Variants in RSRC1 observed in about 807,000 individuals in gnomAD.
The protein encoded by RSRC1 is serine/Arginine-related protein 53.
Under a neutral mutation model 49.1 loss-of-function variants are expected in RSRC1, and 39 were observed. The observed-to-expected ratio is 0.79, with a 90% CI of 0.61 to 1.04. RSRC1 has a LOEUF of 1.04. RSRC1 is among the 50% of genes least tolerant of loss of function. RSRC1 has a pLI of 0.00. For missense variants in RSRC1, 388 were observed against 402.4 expected (o/e 0.96, Z 0.31); for synonymous variants, 143 against 130.8 (o/e 1.09, Z -0.63).
chr3:158,288,562 G>T (rs1726715014), intron 4 of RSRC1, among the ~76,000 whole-genome samples: 1 of 152,074 alleles, frequency 6.6e-6, no homozygotes, highest in Non-Finnish European at 1.5e-5. Flanking sequence ...TTCCCTGCCT[G>T]GATTGGACAG....
At chr3:158,468,267 C>T (rs1199990106) in intron 7 of RSRC1, among the ~76,000 whole-genome samples, 1 of 152,136 alleles carries the variant, frequency 6.6e-6, no homozygotes, top group African/African-American at 2.4e-5. Flanking sequence ...ATTTCATGAT[C>T]TTTTTCAAGC....
chr3:158,438,482 T>C (rs1454315872), intron 6 of RSRC1, among the ~76,000 whole-genome samples: 1 of 151,952 alleles, frequency 6.6e-6, no homozygotes, highest in Admixed American at 6.6e-5. Flanking sequence ...TATAGACCAA[T>C]AGAACAGAAC....
At chr3:158,430,873 C>T (rs1355310509) in intron 6 of RSRC1, among the ~76,000 whole-genome samples, 2 of 151,770 alleles carry the variant, frequency 1.3e-5, no homozygotes, top group Non-Finnish European at 2.9e-5. Flanking sequence ...GAATTGTTAA[C>T]CTGAAAAGGT....
At chr3:158,492,238 G>T (rs945308340) in intron 7 of RSRC1, among the ~76,000 whole-genome samples, 34 of 152,252 alleles carry the variant, frequency 2.2e-4, no homozygotes, top group African/African-American at 7.7e-4. Flanking sequence ...CTCCCACCAG[G>T]TCCCTCCCTT....
chr3:158,121,297 G>C (rs1715243075), intron 1 of RSRC1, among the ~76,000 whole-genome samples: 1 of 151,892 alleles, frequency 6.6e-6, no homozygotes, highest in East Asian at 1.9e-4. Context: ...TCTTAATGTG[G>C]ATATAAATAT....
At chr3:158,404,624 GA>G (rs998707318) in intron 6 of RSRC1, among the ~76,000 whole-genome samples, 1 of 151,736 alleles carries the variant, frequency 6.6e-6, no homozygotes, top group African/African-American at 2.4e-5. Flanking sequence ...GCTTACCTGG[GA>G]AAAATTTAAA....
intron 4 of RSRC1, among the ~76,000 whole-genome samples, chr3:158,239,334 A>G (rs1723430802): frequency 6.6e-6 from 1 of 152,224 alleles, no homozygotes; most frequent in African/African-American, 2.4e-5. Context: ...TAGAAATGCC[A>G]TTTGACACCG....
intron 6 of RSRC1, among the ~76,000 whole-genome samples, chr3:158,397,185 G>A (rs928096429): frequency 2.2e-4 from 33 of 152,224 alleles, no homozygotes; most frequent in Admixed American, 2.0e-3. Flanking sequence ...GAAGCATCTG[G>A]CAAAGTTGCA....
At chr3:158,163,659 A>C (rs983884401) in intron 3 of RSRC1, among the ~76,000 whole-genome samples, 3 of 151,922 alleles carry the variant, frequency 2.0e-5, no homozygotes, top group Non-Finnish European at 4.4e-5. Flanking sequence ...GGACATTTAC[A>C]CTCTGAGTGT....
At chr3:158,340,586 G>C (rs1047389923) in intron 5 of RSRC1, among the ~76,000 whole-genome samples, 6 of 152,074 alleles carry the variant, frequency 3.9e-5, no homozygotes, top group Admixed American at 2.0e-4. Context: ...AGTGCCTTTT[G>C]CCTCCCACCA....
intron 7 of RSRC1, among the ~76,000 whole-genome samples, chr3:158,514,445 C>T (rs1578564796): frequency 1.3e-5 from 2 of 152,316 alleles, no homozygotes; most frequent in East Asian, 3.9e-4. Context: ...GATTCCTAAT[C>T]CTGAGTTCTA....
chr3:158,184,319 C>T (rs1469950072), intron 3 of RSRC1, among the ~76,000 whole-genome samples: 1 of 151,282 alleles, frequency 6.6e-6, no homozygotes, highest in East Asian at 1.9e-4. Context: ...ATTTTTAAAG[C>T]ACTCACACCA....
At chr3:158,324,112 G>A (rs1379837633) in intron 5 of RSRC1, among the ~76,000 whole-genome samples, 1 of 152,042 alleles carries the variant, frequency 6.6e-6, no homozygotes. Context: ...TTATACTTCA[G>A]TATATCAATA....
Position 158,391,338 on chromosome 3 carries a change from A to G in RSRC1, c.583+36430A>G, listed in dbSNP as rs1733277792. Among the ~76,000 whole-genome samples the G allele has an allele frequency of 2.0e-5, 3 of 152,134 alleles. No homozygotes were observed. In the South Asian group the frequency reaches 6.2e-4, roughly 31 times the overall value. Reference sequence around the variant, plus strand: ...ATAGTAGAGCCACATTTCTTACCACAATCTGGCCTTGTGTATTTTCTCATC... The same window carrying G: ...ATAGTAGAGCCACATTTCTTACCACGATCTGGCCTTGTGTATTTTCTCATC... On this transcript the variant is annotated intron_variant, in intron 6 of 9. Coordinates refer to ENST00000611884, the MANE Select transcript of RSRC1 (RefSeq NM_001271838.2).
intron 7 of RSRC1, among the ~76,000 whole-genome samples, chr3:158,462,616 C>G (rs1320106126): frequency 4.0e-5 from 6 of 151,876 alleles, no homozygotes; most frequent in Non-Finnish European, 7.4e-5. Context: ...GAATGCTTAT[C>G]TTAGCAAAAG....
At chr3:158,120,603 G>A (rs897738990) in intron 1 of RSRC1, among the ~76,000 whole-genome samples, 1 of 144,818 alleles carries the variant, frequency 6.9e-6, no homozygotes, top group Non-Finnish European at 1.5e-5. Context: ...GTATTATATA[G>A]TTAATATTTA....
intron 6 of RSRC1, among the ~76,000 whole-genome samples, chr3:158,415,003 G>A (rs1458712719): frequency 6.6e-6 from 1 of 151,968 alleles, no homozygotes; most frequent in Admixed American, 6.6e-5. Flanking sequence ...TTAACTCTTC[G>A]AGGACTAGAA....
At chr3:158,255,075 C>G (rs1219572359) in intron 4 of RSRC1, among the ~76,000 whole-genome samples, 1 of 152,018 alleles carries the variant, frequency 6.6e-6, no homozygotes, top group South Asian at 2.1e-4. Flanking sequence ...TTGATTAGAT[C>G]TCATTTGTCT....
intron 4 of RSRC1, among the ~76,000 whole-genome samples, chr3:158,296,195 C>T (rs1011477111): frequency 7.9e-5 from 12 of 151,820 alleles, no homozygotes; most frequent in South Asian, 2.1e-4. Context: ...TGTAGCTGTG[C>T]GAGAAAGCGA....
Sources: gnomAD v4.1 joint callset for allele counts (sites outside exome capture counted in the v4.1 genomes callset) on GRCh38, gnomAD v4.1.1 for gene constraint, MANE v1.5 for transcripts, NCBI Gene and HGNC (gene_info 2026-07-23, HGNC 2026-07-21) for gene names.